The following PARD6B variants were observed in gnomAD, a reference collection of about 807,000 sequenced individuals.
PARD6B encodes the protein par-6 family cell polarity regulator beta.
In PARD6B, 4 loss-of-function variants were observed where a neutral mutation model predicts 10.5. The observed-to-expected ratio is 0.38, with a 90% CI of 0.19 to 0.87. The LOEUF (loss-of-function observed/expected upper bound fraction) is 0.87. Among genes scored for constraint, PARD6B ranks in the 40% least tolerant of loss-of-function variants. PARD6B has a pLI of 0.41. For missense variants in PARD6B, 396 were observed against 470.6 expected (o/e 0.84, Z 1.47); for synonymous variants, 169 against 170.4 (o/e 0.99, Z 0.07).
At chr20:50,745,339 G>A (rs1007672602) in intron 2 of PARD6B, among the ~76,000 whole-genome samples, 1 of 150,872 alleles carries the variant, frequency 6.6e-6, no homozygotes, top group Non-Finnish European at 1.5e-5. Context: ...AAGGAGAATC[G>A]CTTGAACCCA....
chr20:50,750,219 T>C lies in PARD6B; in HGVS notation c.850T>C (p.Phe284Leu). The change falls in exon 3 of 3, where the codon TTT becomes CTT. Residue 284 changes from phenylalanine (F) to leucine (L), a missense_variant. Physicochemically the swap from Phe to Leu is conservative, Grantham distance 22. Transcript: ENST00000371610. The part of the protein sequence containing the change: ...LGYPQQIEPS[F>L]EPEDEDSEED... ...CTACCCACAGCAGATTGAACCAAGC[T>C]TTGAGCCAGAGGATGAAGACAGCGA... The C allele has an allele frequency of 6.2e-7, 1 of 1,614,166 alleles. No individual in the cohort carries two copies. Among genetic ancestry groups the C allele is most frequent in the Non-Finnish European group, 8.5e-7 (1 of 1,180,012 alleles).
Position 50,731,740 on chromosome 20 carries a change from AG to A in PARD6B, c.-43del. On this transcript the variant is annotated 5_prime_UTR_variant, in exon 1 of 3. Coordinates refer to ENST00000371610, the MANE Select transcript of PARD6B (RefSeq NM_032521.3). ...CGCGCACTCGCTCCCCGCGCTCCTGAGGGGCCGCCCGGCCGGAGGAGGCCGT... is the reference window on the plus strand; with the variant it reads ...CGCGCACTCGCTCCCCGCGCTCCTGAGGGCCGCCCGGCCGGAGGAGGCCGT... 1 of 1,422,194 alleles carries A rather than the reference AG, an allele frequency of 7.0e-7. No homozygotes were observed. 88.1% of individuals were successfully genotyped at this position (1,422,194 alleles called of 1,614,324 possible).
rs1188230954 is a variant in PARD6B, at chr20:50,753,332, TC to T, written c.*2846del. The T allele has an allele frequency of 2.6e-5, 26 of 985,294 alleles. No individual in the cohort carries two copies. The highest frequency in any genetic ancestry group is 3.1e-5 in the Non-Finnish European group (26 of 829,560). The allele number at this position is 985,294 out of a possible 1,614,324, so 61.0% of individuals were successfully genotyped here. A position where few individuals can be genotyped will look rare whatever the true frequency, so the allele number is the denominator to read the frequency against. On this transcript the variant is annotated 3_prime_UTR_variant, in exon 3 of 3. Transcript: ENST00000371610. ...CTAGATATATTGTAAAACCAATAGA[TC>T]CTGGTTATACGATAAAATATCAGCT... is the stretch of plus-strand genomic sequence containing the variant.
chr20:50,749,889 C>T lies in PARD6B; in HGVS notation c.520C>T (p.Arg174Trp), dbSNP rs777087100. The change falls in exon 3 of 3, where the codon CGG becomes TGG. Residue 174 changes from arginine (R) to tryptophan (W), a missense_variant. Arg to Trp is a moderately radical substitution (Grantham distance 101). Coordinates refer to ENST00000371610, the MANE Select transcript of PARD6B (RefSeq NM_032521.3). ...GTEKPLGFYIRDGSSVRVTPH... is the reference protein window; with the variant it reads ...GTEKPLGFYIWDGSSVRVTPH... ...GGAGAAACCCCTAGGATTCTACATC[C>T]GGGATGGCTCCAGTGTCAGGGTAAC... is the stretch of plus-strand genomic sequence containing the variant. 7 of 1,614,158 alleles carry T rather than the reference C, an allele frequency of 4.3e-6. No individual in the cohort carries two copies. Among genetic ancestry groups the T allele is most frequent in the South Asian group, 1.1e-5 (1 of 91,084 alleles).
Position 50,748,323 on chromosome 20 carries a change from G to T in PARD6B, c.290-1336G>T, listed in dbSNP as rs536321143. Among the ~76,000 whole-genome samples the T allele has an allele frequency of 2.0e-5, 3 of 152,358 alleles. No individual in the cohort carries two copies. In the East Asian group the frequency reaches 5.8e-4, roughly 29 times the overall value. ...CATGCCTCTGCACTCCAGCCAGGAC[G>T]ACAGAGCGAGACTCCGTCTCAAACA... On this transcript the variant is annotated intron_variant, in intron 2 of 2. Transcript: ENST00000371610.
At chr20:50,738,104 T>G (rs1204222614) in intron 2 of PARD6B, 25 bp downstream of exon 2, 2 of 1,514,202 alleles carry the variant, frequency 1.3e-6, no homozygotes, top group South Asian at 2.5e-5. Context: ...TTAGAAAAAT[T>G]GTGTTAGAAA....
Position 50,751,888 on chromosome 20 carries a change from G to C in PARD6B, c.*1400G>C. On this transcript the variant is annotated 3_prime_UTR_variant, in exon 3 of 3. Transcript: ENST00000371610. Reference sequence around the variant, plus strand: ...GGCTTATTTTTTTGTATTTTTAGTAGAGATGGAGTTTCACCATGTTGGTCA... The same window carrying C: ...GGCTTATTTTTTTGTATTTTTAGTACAGATGGAGTTTCACCATGTTGGTCA... 1.2e-6 allele frequency: 1 copy of C among 864,412 alleles called. No homozygotes were observed. Among genetic ancestry groups the C allele is most frequent in the Middle Eastern group, 5.9e-4 (1 of 1,682 alleles). The allele number at this position is 864,412 out of a possible 1,614,324, so 53.5% of individuals were successfully genotyped here.
At chr20:50,744,057 T>C (rs531794981) in intron 2 of PARD6B, among the ~76,000 whole-genome samples, 1 of 151,674 alleles carries the variant, frequency 6.6e-6, no homozygotes, top group East Asian at 1.9e-4. Context: ...CCCATTTCCA[T>C]GTCCTCTGCT....
At chr20:50,740,368 GA>G (rs1568996421) in intron 2 of PARD6B, among the ~76,000 whole-genome samples, 1 of 152,190 alleles carries the variant, frequency 6.6e-6, no homozygotes, top group Admixed American at 6.5e-5. Context: ...TTCAAATATA[GA>G]GTGGGTTTTT....
chr20:50,736,300 G>T (rs1225713147), intron 1 of PARD6B, among the ~76,000 whole-genome samples: 2 of 152,132 alleles, frequency 1.3e-5, no homozygotes, highest in East Asian at 1.9e-4. Flanking sequence ...TTATGGTAGG[G>T]GCTTTCTCTA....
rs1321042442 is a variant in PARD6B, at chr20:50,749,764, T to C, written c.395T>C (p.Val132Ala). Residue 132 changes from valine (V) to alanine (A), a missense_variant, in exon 3 of 3, where the codon GTC (valine) becomes GCC (alanine). Transcript: ENST00000371610. ...PDNHRKKPHI[V>A]ISMPQDFRPV... ...AACCATAGAAAAAAGCCACATATAG[T>C]CATTAGTATGCCCCAAGACTTTAGA... is the stretch of plus-strand genomic sequence containing the variant. 1.9e-6 allele frequency: 3 copies of C among 1,614,138 alleles called. No homozygotes were observed. The Admixed American group carries it at 5.0e-5, about 27-fold the overall frequency.
intron 1 of PARD6B, among the ~76,000 whole-genome samples, chr20:50,736,178 G>C (rs566803227): frequency 6.6e-6 from 1 of 152,314 alleles, no homozygotes; most frequent in Non-Finnish European, 1.5e-5. Context: ...AACCACTGAG[G>C]AGTATGGGTG....
intron 1 of PARD6B, among the ~76,000 whole-genome samples, 158 bp downstream of exon 1, chr20:50,732,010 AG>A (rs1390780413): frequency 1.0e-5 from 1 of 99,680 alleles, no homozygotes; most frequent in African/African-American, 4.0e-5. Context: ...CTTGCCGAGG[AG>A]GGGGTGGCGG....
In PARD6B at chr20:50,744,105, C is replaced by CTTTT. The variant is rs753435244; in HGVS notation, c.290-5533_290-5530dup. 6.2e-3 allele frequency among the ~76,000 whole-genome samples: 481 copies of CTTTT among 77,726 alleles called. 10 individuals carry two copies. Among genetic ancestry groups the CTTTT allele is most frequent in the African/African-American group, 8.2e-3 (162 of 19,682 alleles). 51.0% of individuals were successfully genotyped at this position (77,726 alleles called of 152,430 possible). A position where few individuals can be genotyped will look rare whatever the true frequency, so the allele number is the denominator to read the frequency against. On this transcript the variant is annotated intron_variant, in intron 2 of 2. Coordinates refer to ENST00000371610, the MANE Select transcript of PARD6B (RefSeq NM_032521.3). ...CCATCCAAATTTACTGAAGTAGCTTCTTTTTTTTTTTTTTTTTTTTTTTTC... is the reference window on the plus strand; with the variant it reads ...CCATCCAAATTTACTGAAGTAGCTTCTTTTTTTTTTTTTTTTTTTTTTTTTTTTC...
intron 1 of PARD6B, among the ~76,000 whole-genome samples, chr20:50,732,310 C>G (rs1456939917): frequency 2.0e-5 from 3 of 152,184 alleles, no homozygotes; most frequent in Non-Finnish European, 2.9e-5. Context: ...AACTAAACAG[C>G]CCTTTAAAAG....
At chr20:50,741,293 T>G (rs1410518733) in intron 2 of PARD6B, among the ~76,000 whole-genome samples, 1 of 151,820 alleles carries the variant, frequency 6.6e-6, no homozygotes, top group African/African-American at 2.4e-5. Context: ...GCTCTTATGC[T>G]TGGTTATTCT....
At chr20:50,749,009 A>G (rs1014843768) in intron 2 of PARD6B, among the ~76,000 whole-genome samples, 2 of 152,170 alleles carry the variant, frequency 1.3e-5, no homozygotes, top group African/African-American at 4.8e-5. Context: ...CCCTATTCAA[A>G]AAAAAGTAAA....
At chr20:50,744,529 A>C (rs1174613687) in intron 2 of PARD6B, among the ~76,000 whole-genome samples, 2 of 151,828 alleles carry the variant, frequency 1.3e-5, no homozygotes, top group African/African-American at 4.8e-5. Flanking sequence ...AAAATCCTTG[A>C]TTTTCTTCCC....
Position 50,753,482 on chromosome 20 carries a change from T to C in PARD6B, c.*2994T>C. On this transcript the variant is annotated 3_prime_UTR_variant, in exon 3 of 3. Coordinates refer to ENST00000371610, the MANE Select transcript of PARD6B (RefSeq NM_032521.3). ...TGTGAATTTTGTTCTGTATCTTAAG[T>C]AAATTTATGATAATGTTCTCGAGCT... 2.1e-6 allele frequency: 2 copies of C among 974,036 alleles called. No homozygotes were observed. The highest frequency in any genetic ancestry group is 2.4e-6 in the Non-Finnish European group (2 of 819,106). 60.3% of individuals were successfully genotyped at this position (974,036 alleles called of 1,614,324 possible). A position where few individuals can be genotyped will look rare whatever the true frequency, so the allele number is the denominator to read the frequency against.
Sources: allele counts gnomAD v4.1 joint callset (sites outside exome capture counted in the v4.1 genomes callset), GRCh38; gene constraint gnomAD v4.1.1; transcripts MANE v1.5; gene names NCBI Gene and HGNC (gene_info 2026-07-23, HGNC 2026-07-21).